Variants in CDON observed in about 807,000 individuals in gnomAD.
CDON encodes cell adhesion associated, oncogene regulated, also known as cell adhesion molecule-related/down-regulated by oncogenes.
Under a neutral mutation model 120.9 loss-of-function variants are expected in CDON, and 73 were observed. The ratio of observed to expected loss-of-function variants is 0.60; its 90% CI spans 0.50 to 0.73. The LOEUF is 0.73. Ranked by LOEUF, CDON falls within the 30% of genes least tolerant of loss-of-function variation. CDON has a pLI of 0.00. For synonymous variants in CDON, 566 were observed against 573.5 expected (o/e 0.99, Z 0.19); for missense variants, 1,470 against 1,587.3 (o/e 0.93, Z 1.26).
At chr11:126,019,990 T>C (rs1323250479) in intron 3 of CDON, among the ~76,000 whole-genome samples, 1 of 147,636 alleles carries the variant, frequency 6.8e-6, no homozygotes, top group African/African-American at 2.5e-5. Context: ...CAGGCTGTGA[T>C]GAGCCAAGCA....
intron 18 of CDON, among the ~76,000 whole-genome samples, chr11:125,972,342 C>G (rs1225009344): frequency 6.6e-6 from 1 of 152,028 alleles, no homozygotes; most frequent in African/African-American, 2.4e-5. Context: ...GCATGAGAAT[C>G]GCTTGAACCC....
chr11:126,031,777 C>T (rs1157220827), intron 1 of CDON, among the ~76,000 whole-genome samples: 1 of 152,164 alleles, frequency 6.6e-6, no homozygotes, highest in African/African-American at 2.4e-5. Context: ...GAGGTAACTA[C>T]GAGCCTTAAG....
intron 1 of CDON, among the ~76,000 whole-genome samples, chr11:126,031,684 T>C (rs554640561): frequency 6.6e-6 from 1 of 152,290 alleles, no homozygotes; most frequent in East Asian, 1.9e-4. Flanking sequence ...TTTCCGCGAG[T>C]TGTGAAACAC....
At chr11:125,973,908 C>A (rs991540837) in intron 18 of CDON, among the ~76,000 whole-genome samples, 3 of 148,044 alleles carry the variant, frequency 2.0e-5, no homozygotes, top group Non-Finnish European at 4.5e-5. Flanking sequence ...TTTTTTTTTT[C>A]TTTTGAGACA....
intron 12 of CDON, 52 bp downstream of exon 12, chr11:125,997,155 A>G: frequency 7.8e-7 from 1 of 1,289,550 alleles, no homozygotes; most frequent in Non-Finnish European, 1.1e-6. Flanking sequence ...ATATAAATAT[A>G]TGGATCTAAA....
rs117532921 is a variant in CDON, at chr11:125,994,241, C to T, written c.2650+43G>A. The T allele has an allele frequency of 6.1e-5, 61 of 1,003,680 alleles. No homozygotes were observed. In the East Asian group the frequency reaches 1.1e-3, roughly 18 times the overall value. The allele number at this position is 1,003,680 out of a possible 1,614,324, so 62.2% of individuals were successfully genotyped here. On this transcript the variant is annotated intron_variant, in intron 14 of 19. Transcript: ENST00000531738. ...TTTTATATTCATAAACCTTCTTTCT[C>T]CAAAGCGCCTTTACAGGGACTCCAG...
At chr11:126,000,122 A>G (rs1946899096) in intron 11 of CDON, among the ~76,000 whole-genome samples, 1 of 152,220 alleles carries the variant, frequency 6.6e-6, no homozygotes, top group South Asian at 2.1e-4. Context: ...AATCTCGAGC[A>G]TAAGCAATCA....
At chr11:125,979,531 C>A (rs1946236835) in intron 17 of CDON, among the ~76,000 whole-genome samples, 1 of 152,170 alleles carries the variant, frequency 6.6e-6, no homozygotes, top group Non-Finnish European at 1.5e-5. Context: ...TAAAATTTCT[C>A]TATTTCCCCC....
At chr11:126,022,032 G>A (rs1365072027) in intron 2 of CDON, among the ~76,000 whole-genome samples, 2 of 150,920 alleles carry the variant, frequency 1.3e-5, no homozygotes, top group African/African-American at 4.9e-5. Context: ...AGCCCAGGAG[G>A]TGGAGGCTGC....
intron 1 of CDON, among the ~76,000 whole-genome samples, chr11:126,060,310 G>T (rs1948765126): frequency 6.6e-6 from 1 of 151,982 alleles, no homozygotes; most frequent in Non-Finnish European, 1.5e-5. Flanking sequence ...ACTTAAAGGG[G>T]GGCTACCATG....
intron 18 of CDON, among the ~76,000 whole-genome samples, chr11:125,965,495 A>G (rs974837963): frequency 6.6e-6 from 1 of 152,164 alleles, no homozygotes; most frequent in Admixed American, 6.5e-5. Context: ...AGGTGTCAAG[A>G]AGAAAGAGAC....
intron 18 of CDON, among the ~76,000 whole-genome samples, chr11:125,965,042 T>C: frequency 6.6e-6 from 1 of 152,288 alleles, no homozygotes; most frequent in African/African-American, 2.4e-5. Flanking sequence ...TTCTCCTGCC[T>C]CAGCCTCCCA....
intron 15 of CDON, among the ~76,000 whole-genome samples, chr11:125,989,405 G>A (rs1387781192): frequency 6.6e-6 from 1 of 152,144 alleles, no homozygotes. Context: ...GCGTGGTGGT[G>A]CGCACCTGCA....
chr11:126,008,652 C>T (rs535014731), intron 8 of CDON, among the ~76,000 whole-genome samples: 1 of 152,266 alleles, frequency 6.6e-6, no homozygotes, highest in Non-Finnish European at 1.5e-5. Flanking sequence ...TTCACATAAT[C>T]GCTTCAGCTA....
chr11:125,989,823 GTTAATGT>G, intron 14 of CDON, 64 bp from the exon 15 acceptor site: 1 of 1,487,156 alleles, frequency 6.7e-7, no homozygotes, highest in Non-Finnish European at 9.2e-7. Context: ...AATATAATTA[GTTAATGT>G]TTTCAGGATG....
intron 1 of CDON, among the ~76,000 whole-genome samples, chr11:126,057,697 CTA>C (rs1482429792): frequency 6.6e-6 from 1 of 152,202 alleles, no homozygotes; most frequent in Non-Finnish European, 1.5e-5. Flanking sequence ...TGTGATATTA[CTA>C]TGTTACACCT....
chr11:126,051,268 G>T (rs1169401136), intron 1 of CDON, among the ~76,000 whole-genome samples: 1 of 152,054 alleles, frequency 6.6e-6, no homozygotes, highest in African/African-American at 2.4e-5. Flanking sequence ...ACTTTATAAG[G>T]GTAATCACTT....
chr11:125,976,526 A>G (rs1946152959), intron 18 of CDON, among the ~76,000 whole-genome samples: 1 of 149,706 alleles, frequency 6.7e-6, no homozygotes, highest in Admixed American at 6.7e-5. Flanking sequence ...TAGAAATACA[A>G]TTGTTCATTG....
At chr11:125,965,180 C>T (rs1945759600) in intron 18 of CDON, among the ~76,000 whole-genome samples, 1 of 152,206 alleles carries the variant, frequency 6.6e-6, no homozygotes, top group Non-Finnish European at 1.5e-5. Context: ...ATCCACCCGT[C>T]TCTGCCTCCC....
Sources: gnomAD v4.1 joint callset for allele counts (sites outside exome capture counted in the v4.1 genomes callset) on GRCh38, gnomAD v4.1.1 for gene constraint, MANE v1.5 for transcripts, NCBI Gene and HGNC (gene_info 2026-07-23, HGNC 2026-07-21) for gene names.